Variants in PPM1L observed in about 807,000 individuals in gnomAD.
PPM1L encodes the protein protein phosphatase, Mg2+/Mn2+ dependent 1L, also known as protein phosphatase 1L.
PPM1L carries 13 observed loss-of-function variants against 31.4 expected under a neutral mutation model. The observed-to-expected ratio is 0.41, with a 90% CI of 0.27 to 0.66. The LOEUF is 0.66. PPM1L is among the 30% of genes least tolerant of loss of function. The pLI is 0.29. For missense variants in PPM1L, 326 were observed against 453.7 expected (o/e 0.72, Z 2.56); for synonymous variants, 184 against 175.4 (o/e 1.05, Z -0.39).
intron 1 of PPM1L, among the ~76,000 whole-genome samples, chr3:160,870,233 A>G (rs1712254551): frequency 6.6e-6 from 1 of 152,126 alleles, no homozygotes; most frequent in Non-Finnish European, 1.5e-5. Flanking sequence ...CTACATCTTC[A>G]CCACTATGAC....
rs1360956984 is a variant in PPM1L at position 160,970,787 on chromosome 3, A to ATTCTTTTTTTTT, written c.574+8879_574+8880insCTTTTTTTTTTT. On this transcript the variant is annotated intron_variant, in intron 2 of 3. Transcript: ENST00000498165. ...CAAGCTGATTTTAATTTCAGTTATA[A>ATTCTTTTTTTTT]TTTTTTTTTTTTTTTTTTTTTTGAG... 5.9e-4 allele frequency among the ~76,000 whole-genome samples: 57 copies of ATTCTTTTTTTTT among 97,184 alleles called. 9 individuals carry two copies. Among genetic ancestry groups the ATTCTTTTTTTTT allele is most frequent in the African/African-American group, 1.9e-3 (42 of 22,372 alleles). 63.8% of individuals were successfully genotyped at this position (97,184 alleles called of 152,430 possible).
At chr3:160,986,159 G>C (rs1394854396) in intron 2 of PPM1L, among the ~76,000 whole-genome samples, 1 of 152,196 alleles carries the variant, frequency 6.6e-6, no homozygotes, top group Non-Finnish European at 1.5e-5. Context: ...ACTATGGAAA[G>C]CATCCAGCTT....
intron 1 of PPM1L, among the ~76,000 whole-genome samples, chr3:160,810,070 G>A (rs1372977034): frequency 1.3e-5 from 2 of 151,790 alleles, no homozygotes; most frequent in Admixed American, 1.3e-4. Flanking sequence ...TCCTTTATCT[G>A]CCATCCCTGC....
At chr3:160,783,420 T>A (rs1468973757) in intron 1 of PPM1L, among the ~76,000 whole-genome samples, 4 of 151,830 alleles carry the variant, frequency 2.6e-5, no homozygotes. Flanking sequence ...GCCAATATGG[T>A]GAAACTCCAT....
intron 2 of PPM1L, among the ~76,000 whole-genome samples, chr3:160,975,086 C>T (rs1196837277): frequency 1.4e-4 from 22 of 152,022 alleles, no homozygotes; most frequent in Non-Finnish European, 2.4e-4. Context: ...CAGCTTTCTA[C>T]GTATGGCTAG....
intron 1 of PPM1L, among the ~76,000 whole-genome samples, chr3:160,960,141 C>T (rs75973802): frequency 0.014 from 2,153 of 150,684 alleles, 46 homozygotes; most frequent in African/African-American, 0.049. Flanking sequence ...TGTTGATTAG[C>T]GTGTATCATA....
intron 1 of PPM1L, among the ~76,000 whole-genome samples, chr3:160,858,479 T>G (rs1236227037): frequency 2.0e-5 from 3 of 152,206 alleles, no homozygotes; most frequent in African/African-American, 2.4e-5. Flanking sequence ...ACTCCTGACC[T>G]CAGGTGATCC....
chr3:160,941,707 G>T (rs543087692), intron 1 of PPM1L, among the ~76,000 whole-genome samples: 1 of 152,260 alleles, frequency 6.6e-6, no homozygotes, highest in East Asian at 1.9e-4. Flanking sequence ...TCAGCAGCAT[G>T]AAAATGAACT....
intron 1 of PPM1L, among the ~76,000 whole-genome samples, chr3:160,848,111 G>T (rs570905174): frequency 6.6e-6 from 1 of 152,214 alleles, no homozygotes; most frequent in African/African-American, 2.4e-5. Flanking sequence ...GCTTCCTATT[G>T]CTCCCGACAC....
chr3:160,948,473 C>A (rs1715478265), intron 1 of PPM1L, among the ~76,000 whole-genome samples: 1 of 152,166 alleles, frequency 6.6e-6, no homozygotes. Context: ...GGGGTCAGGT[C>A]AGTGTTCTTA....
chr3:160,973,818 T>A (rs1238427959), intron 2 of PPM1L, among the ~76,000 whole-genome samples: 7 of 146,314 alleles, frequency 4.8e-5, no homozygotes, highest in Admixed American at 1.4e-4. Context: ...TTTATTTTTT[T>A]ATTTTTTTTT....
At chr3:160,896,437 C>A (rs1459464831) in intron 1 of PPM1L, among the ~76,000 whole-genome samples, 2 of 151,748 alleles carry the variant, frequency 1.3e-5, no homozygotes. Context: ...AAGTTAAGGA[C>A]CTGGGCAAAT....
At chr3:160,806,956 A>C (rs546219029) in intron 1 of PPM1L, among the ~76,000 whole-genome samples, 33 of 151,934 alleles carry the variant, frequency 2.2e-4, no homozygotes, top group Non-Finnish European at 4.6e-4. Flanking sequence ...GAAAAGAGAG[A>C]AAGGAAAGAA....
intron 1 of PPM1L, among the ~76,000 whole-genome samples, chr3:160,765,017 C>T (rs1715069837): frequency 6.6e-6 from 1 of 152,096 alleles, no homozygotes; most frequent in African/African-American, 2.4e-5. Flanking sequence ...GAGAAGCCAC[C>T]ATTATTGATG....
chr3:160,992,674 A>G (rs1428590296), intron 2 of PPM1L, among the ~76,000 whole-genome samples: 1 of 152,244 alleles, frequency 6.6e-6, no homozygotes, highest in Non-Finnish European at 1.5e-5. Context: ...CCTTGGAGCC[A>G]TAGAAGATGT....
chr3:160,854,918 A>G (rs1258854494), intron 1 of PPM1L, among the ~76,000 whole-genome samples: 1 of 150,604 alleles, frequency 6.6e-6, no homozygotes, highest in African/African-American at 2.5e-5. Flanking sequence ...AGCCAAAACA[A>G]TCCTAAGCAA....
At chr3:160,872,068 G>C (rs2108030160) in intron 1 of PPM1L, among the ~76,000 whole-genome samples, 1 of 152,254 alleles carries the variant, frequency 6.6e-6, no homozygotes, top group East Asian at 1.9e-4. Flanking sequence ...CCCAAAGCAA[G>C]ACACTCCTGC....
chr3:160,944,869 T>TA lies in PPM1L; in HGVS notation c.400-16867_400-16866insA, dbSNP rs1458761487. On this transcript the variant is annotated intron_variant, in intron 1 of 3. Coordinates refer to ENST00000498165, the MANE Select transcript of PPM1L (RefSeq NM_139245.4). Reference sequence around the variant, plus strand: ...TATATAACATATATTATATATAATGTTATATATAACATATATATTATATAT... The same window carrying TA: ...TATATAACATATATTATATATAATGTATATATATAACATATATATTATATAT... Among the ~76,000 whole-genome samples, 8 of 27,500 alleles carry TA rather than the reference T, an allele frequency of 2.9e-4. 1 individual carries two copies. Among genetic ancestry groups the TA allele is most frequent in the African/African-American group, 7.8e-4 (8 of 10,322 alleles). The allele number at this position is 27,500 out of a possible 152,430, so 18.0% of individuals were successfully genotyped here. A position where few individuals can be genotyped will look rare whatever the true frequency, so the allele number is the denominator to read the frequency against.
intron 1 of PPM1L, among the ~76,000 whole-genome samples, chr3:160,799,577 G>A (rs1169056715): frequency 4.6e-5 from 7 of 152,318 alleles, no homozygotes; most frequent in Admixed American, 2.6e-4. Context: ...CCAAGTTTGT[G>A]TGACTCTCTT....
Sources: gnomAD v4.1 joint callset for allele counts (sites outside exome capture counted in the v4.1 genomes callset) on GRCh38, gnomAD v4.1.1 for gene constraint, MANE v1.5 for transcripts, NCBI Gene and HGNC (gene_info 2026-07-23, HGNC 2026-07-21) for gene names.